The following MAF variants were observed in gnomAD, a reference collection of about 807,000 sequenced individuals.
The protein encoded by MAF is MAF bZIP transcription factor.
MAF carries 10 observed loss-of-function variants against 22.0 expected under a neutral mutation model. The ratio of observed to expected loss-of-function variants is 0.45; its 90% CI spans 0.28 to 0.77. The LOEUF is 0.77. Ranked by LOEUF, MAF falls within the 30% of genes least tolerant of loss-of-function variation. MAF has a pLI of 0.12. For missense variants in MAF, 544 were observed against 548.4 expected (o/e 0.99, Z 0.08); for synonymous variants, 337 against 255.8 (o/e 1.32, Z -3.03).
the MAF span, among the ~76,000 whole-genome samples, chr16:79,362,816 C>T: frequency 6.6e-6 from 1 of 152,188 alleles, no homozygotes; most frequent in Admixed American, 6.5e-5. Flanking sequence ...CAGACCTGCT[C>T]AAAGCAAGTG....
chr16:79,261,428 C>T, the MAF span, among the ~76,000 whole-genome samples: 99 of 152,342 alleles, frequency 6.5e-4, no homozygotes, highest in African/African-American at 2.3e-3. Context: ...GCTGGGATTA[C>T]GGGCATGAGC....
the MAF span, among the ~76,000 whole-genome samples, chr16:79,369,348 G>C: frequency 1.3e-5 from 2 of 152,138 alleles, no homozygotes; most frequent in African/African-American, 4.8e-5. Context: ...AGTGATTCTT[G>C]GGAGTCAGCT....
At chr16:79,440,671 A>C in the MAF span, among the ~76,000 whole-genome samples, 1 of 152,342 alleles carries the variant, frequency 6.6e-6, no homozygotes, top group Non-Finnish European at 1.5e-5. Context: ...TTGGCCTCCC[A>C]AAGTGCTGGG....
chr16:79,378,088 G>A, the MAF span, among the ~76,000 whole-genome samples: 1 of 152,100 alleles, frequency 6.6e-6, no homozygotes, highest in Admixed American at 6.5e-5. Context: ...GCTTGATGGG[G>A]ATGGCACTGA....
the MAF span, among the ~76,000 whole-genome samples, chr16:79,430,108 C>T: frequency 6.6e-6 from 1 of 152,328 alleles, no homozygotes; most frequent in South Asian, 2.1e-4. Flanking sequence ...GGAGCTTCAA[C>T]CCAGCCTCCC....
At chr16:79,582,829 C>T (rs1194746408), downstream of MAF, among the ~76,000 whole-genome samples, 1 of 152,170 alleles carries the variant, frequency 6.6e-6, no homozygotes, top group African/African-American at 2.4e-5. Flanking sequence ...CATTCTCCTT[C>T]CCTTCTTGTG....
chr16:79,353,398 G>A, the MAF span, among the ~76,000 whole-genome samples: 1 of 152,022 alleles, frequency 6.6e-6, no homozygotes, highest in Non-Finnish European at 1.5e-5. Flanking sequence ...CAAAGTGCTG[G>A]GATTACAGGC....
At chr16:79,431,477 TTAAG>T in the MAF span, among the ~76,000 whole-genome samples, 5 of 152,240 alleles carry the variant, frequency 3.3e-5, no homozygotes, top group Non-Finnish European at 7.3e-5. Context: ...GTGCATCTTA[TTAAG>T]TATTTAAATA....
chr16:79,257,451 A>G, the MAF span, among the ~76,000 whole-genome samples: 2 of 152,204 alleles, frequency 1.3e-5, no homozygotes, highest in Non-Finnish European at 2.9e-5. Flanking sequence ...CTAAGGAAAT[A>G]AAGATGCATA....
At chr16:79,232,018 A>G in the MAF span, among the ~76,000 whole-genome samples, 24 of 151,944 alleles carry the variant, frequency 1.6e-4, 1 homozygote, top group Admixed American at 3.9e-4. Flanking sequence ...TTGCCCTCTT[A>G]TGACAATCTA....
At chr16:79,551,946 A>T in the MAF span, among the ~76,000 whole-genome samples, 4 of 151,886 alleles carry the variant, frequency 2.6e-5, no homozygotes, top group Admixed American at 1.3e-4. Flanking sequence ...GGCCTTACCT[A>T]ATTCTGCCTC....
At chr16:79,271,089 T>C in the MAF span, among the ~76,000 whole-genome samples, 522 of 33,206 alleles carry the variant, frequency 0.016, 5 homozygotes, top group African/African-American at 0.099. Context: ...TTTTATTTTT[T>C]ATTTTTAGTA....
chr16:79,303,139 C>A, the MAF span, among the ~76,000 whole-genome samples: 1 of 152,182 alleles, frequency 6.6e-6, no homozygotes, highest in East Asian at 1.9e-4. Context: ...TGGGAGGCGT[C>A]CCCACTCCCA....
At chr16:79,211,798 T>A in the MAF span, 2 of 1,613,996 alleles carry the variant, frequency 1.2e-6, no homozygotes, top group Non-Finnish European at 1.7e-6. Flanking sequence ...TCCGGCTAAG[T>A]GGAGCTCAGA....
At chr16:79,259,293 T>G in the MAF span, among the ~76,000 whole-genome samples, 1 of 152,106 alleles carries the variant, frequency 6.6e-6, no homozygotes, top group African/African-American at 2.4e-5. Flanking sequence ...CTGTTCCCCA[T>G]GCTTGGAAAA....
chr16:79,577,259 G>C, the MAF span, among the ~76,000 whole-genome samples: 1 of 152,084 alleles, frequency 6.6e-6, no homozygotes, highest in Admixed American at 6.6e-5. Context: ...CTGAGAAAAA[G>C]ATGACAAAGA....
chr16:79,453,678 G>A, the MAF span, among the ~76,000 whole-genome samples: 3 of 152,178 alleles, frequency 2.0e-5, no homozygotes, highest in African/African-American at 4.8e-5. Flanking sequence ...AGGATTTCTG[G>A]ATAGGTCGGT....
chr16:79,420,048 T>A, the MAF span, among the ~76,000 whole-genome samples: 1 of 151,950 alleles, frequency 6.6e-6, no homozygotes, highest in Admixed American at 6.6e-5. Flanking sequence ...TTCTCCTGCA[T>A]CTTCTTCAAG....
the MAF span, among the ~76,000 whole-genome samples, chr16:79,354,917 A>C: frequency 1.3e-5 from 2 of 152,214 alleles, no homozygotes; most frequent in Non-Finnish European, 2.9e-5. Flanking sequence ...TCAGATTAGA[A>C]GGAAAAAATA....
Sources: allele counts gnomAD v4.1 joint callset (sites outside exome capture counted in the v4.1 genomes callset), GRCh38; gene constraint gnomAD v4.1.1; transcripts MANE v1.5; gene names NCBI Gene and HGNC (gene_info 2026-07-23, HGNC 2026-07-21).